Variants in NME9 observed in about 807,000 individuals in gnomAD.
NME9 encodes thioredoxin domain-containing protein 6.
In NME9, 48 loss-of-function variants were observed where a neutral mutation model predicts 44.4. The ratio of observed to expected loss-of-function variants is 1.08; its 90% CI spans 0.86 to 1.37. The LOEUF (loss-of-function observed/expected upper bound fraction) is 1.37. Ranked by LOEUF, NME9 falls within the 40% of genes most tolerant of loss-of-function variation. The pLI is 0.00. For missense variants in NME9, 325 were observed against 405.2 expected, an observed-to-expected ratio of 0.80 and a Z score of 1.70; for synonymous variants, 139 against 147.1, an observed-to-expected ratio of 0.94 and a Z score of 0.40.
chr3:138,329,706 C>CA lies in NME9; in HGVS notation c.-372dup, dbSNP rs1225654618. 4.7e-6 allele frequency: 5 copies of CA among 1,070,574 alleles called. No individual in the cohort carries two copies. The highest frequency in any genetic ancestry group is 6.0e-5 in the South Asian group (2 of 33,516). 66.3% of individuals were successfully genotyped at this position (1,070,574 alleles called of 1,614,324 possible). On this transcript the variant is annotated 5_prime_UTR_variant, in exon 1 of 11. An upstream open reading frame in the 5' UTR gains an earlier in-frame stop. Transcript: ENST00000333911. ...AGGGTCGCCAGTCGAGGAATTCTGACAAAAAAACGACATGGGACCCTGTTA... is the reference window on the plus strand; with the variant it reads ...AGGGTCGCCAGTCGAGGAATTCTGACAAAAAAAACGACATGGGACCCTGTTA...
rs769267191 is a variant in NME9, at chr3:138,282,491, C to T, written c.746-19905G>A. ...TGAAATCCCGTCTCTACTAAAAATA[C>T]AAAAATTAGCTGGGCGTGTGGCACA... On this transcript the variant is annotated intron_variant, in intron 8 of 8. Coordinates refer to the NME9 transcript ENST00000317876. Among the ~76,000 whole-genome samples the T allele has an allele frequency of 2.0e-5, 3 of 151,948 alleles. No homozygotes were observed. The East Asian group carries it at 5.8e-4, about 29-fold the overall frequency.
chr3:138,269,473 T>C (rs1304664516), intron 8 of NME9, among the ~76,000 whole-genome samples: 3 of 152,186 alleles, frequency 2.0e-5, no homozygotes, highest in East Asian at 1.9e-4. Context: ...CAGGACTGTT[T>C]TGCTTGTATA....
At chr3:138,312,097 T>A (rs62282864) in intron 6 of NME9, among the ~76,000 whole-genome samples, 1 of 152,010 alleles carries the variant, frequency 6.6e-6, no homozygotes, top group South Asian at 2.1e-4. Flanking sequence ...GATACACTGA[T>A]GAAAGAAATT....
chr3:138,264,728 T>G lies in NME9; in HGVS notation c.746-2142A>C, dbSNP rs2048110115. ...CCACTGCGCCCAGCCAGGCCTGATT[T>G]TCTTTTATTAACTAAGCTTTAGTTA... On this transcript the variant is annotated intron_variant, in intron 8 of 8. Coordinates refer to the NME9 transcript ENST00000317876. 2.0e-5 allele frequency among the ~76,000 whole-genome samples: 3 copies of G among 150,932 alleles called. No homozygotes were observed. In the South Asian group the frequency reaches 6.2e-4, roughly 31 times the overall value.
chr3:138,289,979 A>G (rs140570444), intron 8 of NME9, among the ~76,000 whole-genome samples: 2,007 of 152,296 alleles, frequency 0.013, 22 homozygotes, highest in South Asian at 0.023. Flanking sequence ...CCACAGACCT[A>G]GATACCACGT....
downstream of NME9, among the ~76,000 whole-genome samples, chr3:138,299,557 C>T (rs141604016): frequency 1.4e-4 from 21 of 152,268 alleles, no homozygotes; most frequent in East Asian, 4.1e-3. Flanking sequence ...AACCCCCTTA[C>T]ACCCCATTCC....
chr3:138,293,715 C>A (rs2051206144), intron 8 of NME9, among the ~76,000 whole-genome samples: 1 of 152,142 alleles, frequency 6.6e-6, no homozygotes, highest in Admixed American at 6.5e-5. Context: ...GCTCTGTCAG[C>A]CCATCTTTTC....
At chr3:138,296,572 C>T (rs1260275290), downstream of NME9, 4 of 152,144 alleles carry the variant, frequency 2.6e-5, no homozygotes, top group South Asian at 8.3e-4. Flanking sequence ...AAAAAGTTGG[C>T]TATAGTTGGC....
chr3:138,264,752 T>TA (rs2048111565), intron 8 of NME9, among the ~76,000 whole-genome samples: 1 of 148,732 alleles, frequency 6.7e-6, no homozygotes, highest in African/African-American at 2.4e-5. Flanking sequence ...AAGCTTTAGT[T>TA]ACTCATCTGA....
intron 6 of NME9, among the ~76,000 whole-genome samples, chr3:138,313,243 TAGCC>T (rs1420583734): frequency 6.6e-6 from 1 of 151,786 alleles, no homozygotes; most frequent in Non-Finnish European, 1.5e-5. Flanking sequence ...ATGTAAAAAT[TAGCC>T]AGGTGTGGTG....
At chr3:138,315,992 C>A (rs1383455226) in intron 4 of NME9, among the ~76,000 whole-genome samples, 1 of 152,086 alleles carries the variant, frequency 6.6e-6, no homozygotes, top group Admixed American at 6.5e-5. Context: ...CCACCATGCC[C>A]GGCTAATTTT....
chr3:138,292,707 A>G (rs2051086071), intron 8 of NME9, among the ~76,000 whole-genome samples: 1 of 152,190 alleles, frequency 6.6e-6, no homozygotes, highest in African/African-American at 2.4e-5. Flanking sequence ...TAAGATGCAT[A>G]TTAGATATCC....
At chr3:138,313,719 T>C (rs2052864463) in intron 6 of NME9, among the ~76,000 whole-genome samples, 1 of 152,226 alleles carries the variant, frequency 6.6e-6, no homozygotes, top group Non-Finnish European at 1.5e-5. Context: ...GGGAATATTA[T>C]TCATTAATTT....
intron 8 of NME9, chr3:138,287,645 G>A (rs1470221755): frequency 2.2e-6 from 1 of 456,642 alleles, no homozygotes; most frequent in East Asian, 6.9e-5. Flanking sequence ...GCCCAAACTG[G>A]ACATCTCCTT....
chr3:138,284,419 G>T lies in NME9; in HGVS notation c.745+19088C>A, dbSNP rs567740683. 53 of 1,606,934 alleles carry T rather than the reference G, an allele frequency of 3.3e-5. 2 individuals carry two copies. Among genetic ancestry groups the T allele is most frequent in the African/African-American group, 2.4e-4 (18 of 74,858 alleles). On this transcript the variant is annotated intron_variant, in intron 8 of 8. Transcript: ENST00000317876. ...GAGCTTTCCTGACTGTTGGCCCTTT[G>T]TTCTTTTCCAGACACTGTGCATCTT...
intron 8 of NME9, among the ~76,000 whole-genome samples, chr3:138,270,301 A>G (rs1298223873): frequency 6.6e-6 from 1 of 152,252 alleles, no homozygotes; most frequent in Non-Finnish European, 1.5e-5. Context: ...GTATTAAACT[A>G]ACAGATTTAA....
Position 138,329,384 on chromosome 3 carries a change from C to T in NME9, c.-49G>A, listed in dbSNP as rs1481043639. 1 of 1,535,694 alleles carries T rather than the reference C, an allele frequency of 6.5e-7. No homozygotes were observed. The highest frequency in any genetic ancestry group is 8.7e-7 in the Non-Finnish European group (1 of 1,146,716). ...CTGTTACCGCGGCCGTGGGCCGTTC[C>T]CCCGCAGCCTCGCGACAAACCGCTG... On this transcript the variant is annotated 5_prime_UTR_variant, in exon 1 of 11. Transcript: ENST00000333911.
chr3:138,270,179 C>A, intron 8 of NME9: 1 of 1,338,164 alleles, frequency 7.5e-7, no homozygotes, highest in South Asian at 1.2e-5. Context: ...AGGAATACAG[C>A]TATTGTCTAA....
intron 1 of NME9, among the ~76,000 whole-genome samples, chr3:138,326,063 C>T (rs1040322705): frequency 6.6e-6 from 1 of 152,166 alleles, no homozygotes; most frequent in African/African-American, 2.4e-5. Context: ...TTTAGTCTTT[C>T]TCTTCTTTTC....
Sources: gnomAD v4.1 joint callset for allele counts (sites outside exome capture counted in the v4.1 genomes callset) on GRCh38, gnomAD v4.1.1 for gene constraint, MANE v1.5 for transcripts, NCBI Gene and HGNC (gene_info 2026-07-23, HGNC 2026-07-21) for gene names.